Variants in ERBB4 observed in about 807,000 individuals in gnomAD.
The protein encoded by ERBB4 is erb-b2 receptor tyrosine kinase 4.
In ERBB4, 42 loss-of-function variants were observed where a neutral mutation model predicts 158.0. The observed-to-expected ratio is 0.27, with a 90% CI of 0.21 to 0.34. ERBB4 has a LOEUF of 0.34. Ranked by LOEUF, ERBB4 falls within the 10% of genes least tolerant of loss-of-function variation. ERBB4 has a pLI of 1.00. For missense variants in ERBB4, 1,333 were observed against 1,624.1 expected (o/e 0.82, Z 3.08); for synonymous variants, 583 against 558.7 (o/e 1.04, Z -0.61).
At chr2:212,037,850 A>G (rs972408453) in intron 2 of ERBB4, among the ~76,000 whole-genome samples, 4 of 152,186 alleles carry the variant, frequency 2.6e-5, no homozygotes, top group African/African-American at 9.6e-5. Flanking sequence ...ACCAAACAAT[A>G]AAGTTTAGAT....
chr2:212,142,656 T>C (rs2080523324), intron 1 of ERBB4, among the ~76,000 whole-genome samples: 1 of 149,122 alleles, frequency 6.7e-6, no homozygotes, highest in Non-Finnish European at 1.5e-5. Flanking sequence ...TATATAGTTA[T>C]ATAACTCTAA....
chr2:212,537,959 G>C (rs963849309), intron 1 of ERBB4, among the ~76,000 whole-genome samples: 31 of 152,148 alleles, frequency 2.0e-4, no homozygotes, highest in African/African-American at 2.4e-5. Flanking sequence ...GTCGCCAGCA[G>C]CACACACAGG....
At chr2:211,407,398 T>C (rs2125368731) in intron 25 of ERBB4, among the ~76,000 whole-genome samples, 1 of 152,308 alleles carries the variant, frequency 6.6e-6, no homozygotes, top group South Asian at 2.1e-4. Flanking sequence ...AACATCTCCA[T>C]ACGCTAGGAA....
rs533568370 is a variant in ERBB4, at chr2:211,896,402, C to T, written c.421+51028G>A. Among the ~76,000 whole-genome samples the T allele has an allele frequency of 4.6e-5, 7 of 152,250 alleles. No individual in the cohort carries two copies. In the South Asian group the frequency reaches 1.2e-3, roughly 27 times the overall value. On this transcript the variant is annotated intron_variant, in intron 3 of 27. Transcript: ENST00000342788. Reference sequence around the variant, plus strand: ...CTTTCTTCCACATTCATACTTAGTCCATCATCAGTAAATCTTTTCCCTGTA... The same window carrying T: ...CTTTCTTCCACATTCATACTTAGTCTATCATCAGTAAATCTTTTCCCTGTA...
rs1032350099 is a variant in ERBB4, at chr2:212,182,869, T to A, written c.83-57966A>T. On this transcript the variant is annotated intron_variant, in intron 1 of 27. Coordinates refer to ENST00000342788, the MANE Select transcript of ERBB4 (RefSeq NM_005235.3). Reference sequence around the variant, plus strand: ...CTCATCTTCTTTGCTCAGGTAAAAGTTGGGTTGAGGTTTTTTTTTATTGAT... The same window carrying A: ...CTCATCTTCTTTGCTCAGGTAAAAGATGGGTTGAGGTTTTTTTTTATTGAT... 2.6e-4 allele frequency among the ~76,000 whole-genome samples: 14 copies of A among 54,644 alleles called. No homozygotes were observed. In the East Asian group the frequency reaches 4.5e-3, roughly 17 times the overall value. The allele number at this position is 54,644 out of a possible 152,430, so 35.8% of individuals were successfully genotyped here. A position where few individuals can be genotyped will look rare whatever the true frequency, so the allele number is the denominator to read the frequency against.
chr2:211,494,051 G>A (rs1357935389), intron 20 of ERBB4, among the ~76,000 whole-genome samples: 1 of 152,148 alleles, frequency 6.6e-6, no homozygotes, highest in Non-Finnish European at 1.5e-5. Context: ...TGCCCAGGCT[G>A]GAGTGCAGCG....
chr2:211,900,960 C>T (rs1387852481), intron 3 of ERBB4, among the ~76,000 whole-genome samples: 2 of 152,152 alleles, frequency 1.3e-5, no homozygotes, highest in African/African-American at 2.4e-5. Context: ...TTTACCCCTT[C>T]CACTATGAAT....
intron 4 of ERBB4, among the ~76,000 whole-genome samples, chr2:211,777,031 C>A (rs996971832): frequency 6.6e-6 from 1 of 151,990 alleles, no homozygotes; most frequent in Non-Finnish European, 1.5e-5. Flanking sequence ...GGCAAGGGTA[C>A]ATTTACCTAG....
At chr2:211,780,916 A>T in intron 4 of ERBB4, among the ~76,000 whole-genome samples, 1 of 152,156 alleles carries the variant, frequency 6.6e-6, no homozygotes, top group East Asian at 1.9e-4. Context: ...TTAGGGTTTT[A>T]TTTAAAAATA....
chr2:212,334,087 C>T (rs148903718), intron 1 of ERBB4, among the ~76,000 whole-genome samples: 179 of 152,106 alleles, frequency 1.2e-3, no homozygotes, highest in African/African-American at 4.1e-3. Context: ...GCAGATATAG[C>T]ATATATAGGA....
intron 18 of ERBB4, among the ~76,000 whole-genome samples, chr2:211,620,054 T>G (rs1166811868): frequency 6.6e-6 from 1 of 152,126 alleles, no homozygotes; most frequent in Non-Finnish European, 1.5e-5. Context: ...AAATACAACA[T>G]TAAGCTAAAT....
chr2:211,489,248 T>C (rs1290886479), intron 20 of ERBB4, among the ~76,000 whole-genome samples: 1 of 152,022 alleles, frequency 6.6e-6, no homozygotes, highest in Non-Finnish European at 1.5e-5. Context: ...ATAATAAAAA[T>C]GTTTTCTAAC....
At chr2:211,688,368 T>TG (rs2072656878) in intron 12 of ERBB4, among the ~76,000 whole-genome samples, 1 of 152,178 alleles carries the variant, frequency 6.6e-6, no homozygotes, top group Non-Finnish European at 1.5e-5. Context: ...CTTCTCAACC[T>TG]GGAGTTCTTG....
At chr2:212,304,698 T>C (rs1400988628) in intron 1 of ERBB4, among the ~76,000 whole-genome samples, 1 of 151,400 alleles carries the variant, frequency 6.6e-6, no homozygotes, top group Non-Finnish European at 1.5e-5. Flanking sequence ...ACATGGCCAT[T>C]TTCCACCCTG....
chr2:211,561,652 T>C, intron 20 of ERBB4: 1 of 492,966 alleles, frequency 2.0e-6, no homozygotes, highest in Non-Finnish European at 3.7e-6. Flanking sequence ...TCCCCCTGAC[T>C]ACCAAGCTAT....
intron 17 of ERBB4, among the ~76,000 whole-genome samples, chr2:211,628,538 A>G (rs1016449153): frequency 6.6e-6 from 1 of 152,204 alleles, no homozygotes; most frequent in African/African-American, 2.4e-5. Context: ...CATGGTGTAT[A>G]TGTGCCACAT....
intron 2 of ERBB4, among the ~76,000 whole-genome samples, chr2:211,996,754 G>GTTCA (rs1439931992): frequency 6.6e-6 from 1 of 152,104 alleles, no homozygotes; most frequent in Non-Finnish European, 1.5e-5. Context: ...CACAAGTTTG[G>GTTCA]TTCACTCATC....
At chr2:211,645,312 A>C (rs922046053) in intron 16 of ERBB4, among the ~76,000 whole-genome samples, 3 of 151,702 alleles carry the variant, frequency 2.0e-5, no homozygotes, top group Admixed American at 6.6e-5. Context: ...CTCACAATCT[A>C]TTCTTAGTGT....
intron 1 of ERBB4, among the ~76,000 whole-genome samples, chr2:212,311,316 A>G (rs1394219860): frequency 2.0e-5 from 3 of 150,922 alleles, no homozygotes; most frequent in African/African-American, 7.3e-5. Flanking sequence ...AATGAGATAA[A>G]AGTGAAAAAG....
Sources: allele counts gnomAD v4.1 joint callset (sites outside exome capture counted in the v4.1 genomes callset), GRCh38; gene constraint gnomAD v4.1.1; transcripts MANE v1.5; gene names NCBI Gene and HGNC (gene_info 2026-07-23, HGNC 2026-07-21).